APLN: variants seen among roughly 807,000 people sequenced by gnomAD.
APLN encodes the protein apelin.
A neutral mutation model predicts 4.3 loss-of-function variants in APLN; 2 were observed. That is an observed-to-expected ratio of 0.46 (90% CI 0.19 to 1.45). The LOEUF (loss-of-function observed/expected upper bound fraction) is 1.45, where lower values mean the gene tolerates loss of function less well. APLN is among the 40% of genes most tolerant of loss of function. APLN has a pLI of 0.25. For synonymous variants in APLN, 34 were observed against 30.4 expected (o/e 1.12, Z -0.38); for missense variants, 80 against 70.0 (o/e 1.14, Z -0.51).
intron 1 of APLN, among the ~76,000 whole-genome samples, chrX:129,651,594 T>C (rs1377899871): frequency 8.9e-6 from 1 of 112,127 alleles, no homozygotes; most frequent in Non-Finnish European, 1.9e-5. Flanking sequence ...TTGGAGCCAT[T>C]GCCTGCTGAA....
At chrX:129,650,702 G>C (rs187062136) in intron 1 of APLN, among the ~76,000 whole-genome samples, 1 of 112,221 alleles carries the variant, frequency 8.9e-6, no homozygotes, top group Admixed American at 9.4e-5. Flanking sequence ...CTGTCTGACT[G>C]TCATAGAGCT....
intron 1 of APLN, among the ~76,000 whole-genome samples, chrX:129,649,211 C>G (rs759674350): frequency 8.9e-6 from 1 of 112,194 alleles, no homozygotes; most frequent in South Asian, 3.7e-4. Flanking sequence ...ACCCTCCCAC[C>G]GCCATGGACC....
chrX:129,648,872 G>T (rs1936959914), intron 1 of APLN, 80 bp from the exon 2 acceptor site: 3 of 926,912 alleles, frequency 3.2e-6, no homozygotes, highest in Non-Finnish European at 4.4e-6. Context: ...CCGCGGGAGG[G>T]GTGGTCTGTC....
At position 129,646,451 on chromosome X, in the gene APLN, G is replaced by A. The variant is rs897265919; in HGVS notation, c.*1472C>T. ...CCCCTCACGGAAGCTAGGGCCTCCCGGGGAGAGGGTGCTATTCCTGCTGCA... is the reference window on the plus strand; with the variant it reads ...CCCCTCACGGAAGCTAGGGCCTCCCAGGGAGAGGGTGCTATTCCTGCTGCA... On this transcript the variant is annotated 3_prime_UTR_variant, in exon 3 of 3. Transcript: ENST00000429967. 9.8e-5 allele frequency: 11 copies of A among 112,468 alleles called. No homozygotes were observed. Among genetic ancestry groups the A allele is most frequent in the African/African-American group, 2.6e-4 (8 of 30,931 alleles). 9.3% of individuals were successfully genotyped at this position (112,468 alleles called of 1,213,427 possible).
chrX:129,648,704 T>C lies in APLN; in HGVS notation c.156A>G (p.Pro52=), dbSNP rs1936957199. 8.5e-7 allele frequency: 1 copy of C among 1,179,914 alleles called. No individual in the cohort carries two copies. Among genetic ancestry groups the C allele is most frequent in the African/African-American group, 1.8e-5 (1 of 56,798 alleles). ...LVQPRGSRNG[P]GPWQGGRRKF... ...TCCTCCGACCTCCCTGCCAGGGCCC[T>C]GGCCCATTCCTTGACCCTCTGGGCT... The change falls in exon 2 of 3, where the codon CCA becomes CCG. Residue 52 remains proline (P), a synonymous_variant. Transcript: ENST00000429967.
intron 1 of APLN, among the ~76,000 whole-genome samples, chrX:129,649,053 A>T (rs1223621104): frequency 8.9e-6 from 1 of 111,865 alleles, no homozygotes; most frequent in African/African-American, 3.3e-5. Flanking sequence ...TGACAGGCAC[A>T]AGTGGGTTCT....
At chrX:129,649,783 T>C (rs1183265851) in intron 1 of APLN, among the ~76,000 whole-genome samples, 1 of 111,112 alleles carries the variant, frequency 9.0e-6, no homozygotes, top group African/African-American at 3.3e-5. Context: ...TTTACATCTG[T>C]CCACATCTGT....
At position 129,647,181 on chromosome X, in the gene APLN, GC is replaced by G. The variant is rs1480994554; in HGVS notation, c.*741del. ...CTGGGAGGGTATATAGCCATGTCAG[GC>G]CCAGCACCCTCCCCTCCTGACCTGG... is the stretch of plus-strand genomic sequence containing the variant. On this transcript the variant is annotated 3_prime_UTR_variant, in exon 3 of 3. Transcript: ENST00000429967. 1 of 140,305 alleles carries G rather than the reference GC, an allele frequency of 7.1e-6. No individual in the cohort carries two copies. The highest frequency in any genetic ancestry group is 1.5e-5 in the Non-Finnish European group (1 of 68,956). The allele number at this position is 140,305 out of a possible 1,213,427, so 11.6% of individuals were successfully genotyped here.
intron 2 of APLN, 105 bp downstream of exon 2, chrX:129,648,516 T>G: frequency 1.0e-6 from 1 of 980,141 alleles, no homozygotes. Context: ...GCCAGGACTG[T>G]TTGATGGATG....
At chrX:129,648,558 C>G (rs1282406228) in intron 2 of APLN, 63 bp downstream of exon 2, 2 of 1,130,621 alleles carry the variant, frequency 1.8e-6, no homozygotes, top group African/African-American at 3.6e-5. Context: ...CAGGATCACC[C>G]GGCTTCTAGG....
At chrX:129,650,053 G>A (rs1428329029) in intron 1 of APLN, among the ~76,000 whole-genome samples, 2 of 111,046 alleles carry the variant, frequency 1.8e-5, no homozygotes, top group Non-Finnish European at 3.8e-5. Flanking sequence ...GTACAGGCCT[G>A]TGCAGATACA....
Position 129,646,278 on chromosome X carries a change from G to A in APLN, c.*1645C>T, listed in dbSNP as rs1656078689. ...GGGGAGGTGGATAGGCAAACATTGGGGCTATTGTGGGACTTGGGGGGCCCT... is the reference window on the plus strand; with the variant it reads ...GGGGAGGTGGATAGGCAAACATTGGAGCTATTGTGGGACTTGGGGGGCCCT... On this transcript the variant is annotated 3_prime_UTR_variant, in exon 3 of 3. Coordinates refer to ENST00000429967, the MANE Select transcript of APLN (RefSeq NM_017413.5). 1 of 114,211 alleles carries A rather than the reference G, an allele frequency of 8.8e-6. No homozygotes were observed. The highest frequency in any genetic ancestry group is 3.2e-5 in the African/African-American group (1 of 30,922). The allele number at this position is 114,211 out of a possible 1,213,427, so 9.4% of individuals were successfully genotyped here.
chrX:129,648,060 A>G, intron 2 of APLN, 143 bp from the exon 3 acceptor site: 1 of 800,003 alleles, frequency 1.3e-6, no homozygotes, highest in Non-Finnish European at 1.6e-6. Flanking sequence ...AAGGCCCCTG[A>G]GTTGGTGCCT....
rs967742008 is a variant in APLN at position 129,645,276 on chromosome X, C to T, written c.*2647G>A. 1.8e-5 allele frequency: 2 copies of T among 112,414 alleles called. No individual in the cohort carries two copies. Among genetic ancestry groups the T allele is most frequent in the African/African-American group, 6.5e-5 (2 of 30,893 alleles). 9.3% of individuals were successfully genotyped at this position (112,414 alleles called of 1,213,427 possible). A position where few individuals can be genotyped will look rare whatever the true frequency, so the allele number is the denominator to read the frequency against. On this transcript the variant is annotated 3_prime_UTR_variant, in exon 3 of 3. Transcript: ENST00000429967. The stretch of plus-strand genomic sequence containing the variant: ...GGGCAGAATTATATTGAACTCTTTG[C>T]ATTTTATTTTTCAGGCTATCTCATT...
At chrX:129,651,380 C>T (rs1197529325) in intron 1 of APLN, among the ~76,000 whole-genome samples, 1 of 111,636 alleles carries the variant, frequency 9.0e-6, no homozygotes, top group Non-Finnish European at 1.9e-5. Flanking sequence ...GATAAGCTGA[C>T]ATCTGAAACC....
intron 1 of APLN, among the ~76,000 whole-genome samples, chrX:129,650,643 A>G (rs759114299): frequency 8.9e-5 from 10 of 112,582 alleles, no homozygotes; most frequent in Non-Finnish European, 1.7e-4. Flanking sequence ...AAGAAGAATT[A>G]TCTTAGCACT....
intron 1 of APLN, among the ~76,000 whole-genome samples, chrX:129,653,872 TGGG>T (rs1303971262): frequency 9.1e-6 from 1 of 110,094 alleles, no homozygotes; most frequent in Admixed American, 9.5e-5. Context: ...ATGGAGGCTA[TGGG>T]GAGGGCATCC....
chrX:129,646,226 T>C lies in APLN; in HGVS notation c.*1697A>G, dbSNP rs1936939467. The C allele has an allele frequency of 1.6e-5, 2 of 122,282 alleles. No homozygotes were observed. Among genetic ancestry groups the C allele is most frequent in the South Asian group, 4.4e-4 (2 of 4,550 alleles). 10.1% of individuals were successfully genotyped at this position (122,282 alleles called of 1,213,427 possible). A position where few individuals can be genotyped will look rare whatever the true frequency, so the allele number is the denominator to read the frequency against. On this transcript the variant is annotated 3_prime_UTR_variant, in exon 3 of 3. Transcript: ENST00000429967. ...GCAGCAGCAGCAGCAGCAGCAGCGT[T>C]AGCAGCAGCATAGGTAAAGGGGCTT...
chrX:129,654,556 G>C lies in APLN; in HGVS notation c.67+8C>G. The C allele has an allele frequency of 2.6e-6, 3 of 1,151,696 alleles. No individual in the cohort carries two copies. Among genetic ancestry groups the C allele is most frequent in the Non-Finnish European group, 3.5e-6 (3 of 866,631 alleles). The allele number at this position is 1,151,696 out of a possible 1,213,427, so 94.9% of individuals were successfully genotyped here. A position where few individuals can be genotyped will look rare whatever the true frequency, so the allele number is the denominator to read the frequency against. On this transcript the variant is annotated splice_region_variant and intron_variant, in intron 1 of 2. Transcript: ENST00000429967. The stretch of plus-strand genomic sequence containing the variant: ...GCAGCCCGGGCGAGCGGGAGGGCGC[G>C]CACTCACCTCCACACACCGCGGTCA...
Sources: allele counts gnomAD v4.1 joint callset (sites outside exome capture counted in the v4.1 genomes callset), GRCh38; gene constraint gnomAD v4.1.1; transcripts MANE v1.5; gene names NCBI Gene and HGNC (gene_info 2026-07-23, HGNC 2026-07-21).